Variants in TMEM135 observed in about 807,000 individuals in gnomAD.
The protein encoded by TMEM135 is transmembrane protein 135, also known as peroxisomal membrane protein 52.
A neutral mutation model predicts 60.3 loss-of-function variants in TMEM135; 30 were observed. The observed-to-expected ratio is 0.50, with a 90% CI of 0.37 to 0.68. The LOEUF is 0.68. TMEM135 is among the 30% of genes least tolerant of loss of function. The pLI is 0.00. For missense variants in TMEM135, 468 were observed against 548.8 expected (o/e 0.85, Z 1.47); for synonymous variants, 190 against 186.7 (o/e 1.02, Z -0.14).
intron 6 of TMEM135, among the ~76,000 whole-genome samples, chr11:87,252,828 G>GTGTGTGTGTGTGTGTGTGTA: frequency 6.6e-6 from 1 of 150,988 alleles, no homozygotes; most frequent in Non-Finnish European, 1.5e-5. Flanking sequence ...GTGTGTGTGT[G>GTGTGTGTGTGTGTGTGTGTA]TGTATTATAT....
At chr11:87,128,993 C>A in intron 4 of TMEM135, among the ~76,000 whole-genome samples, 1 of 144,010 alleles carries the variant, frequency 6.9e-6, no homozygotes. Flanking sequence ...GGAAATTAAG[C>A]AGGTTTAAGG....
chr11:87,280,447 TAC>T (rs1421376391), intron 6 of TMEM135, among the ~76,000 whole-genome samples: 1 of 152,198 alleles, frequency 6.6e-6, no homozygotes, highest in African/African-American at 2.4e-5. Flanking sequence ...GTCTCTGTGT[TAC>T]AGTCATATTA....
intron 1 of TMEM135, 97 bp from the exon 2 acceptor site, chr11:87,067,597 T>G (rs1366597365): frequency 1.3e-6 from 2 of 1,517,242 alleles, no homozygotes; most frequent in Non-Finnish European, 1.8e-6. Context: ...TTACTTTAAC[T>G]TATAAATATA....
At chr11:87,057,051 G>A (rs931055976) in intron 1 of TMEM135, among the ~76,000 whole-genome samples, 6 of 152,292 alleles carry the variant, frequency 3.9e-5, no homozygotes, top group South Asian at 2.1e-4. Context: ...TGACAGGTGT[G>A]TGTTTTCAAG....
chr11:87,227,068 CAAAA>C (rs982386558), intron 5 of TMEM135, among the ~76,000 whole-genome samples: 6 of 151,736 alleles, frequency 4.0e-5, no homozygotes, highest in Non-Finnish European at 7.4e-5. Flanking sequence ...AAAACAAAAA[CAAAA>C]AAACACAATG....
At chr11:87,217,061 T>C (rs1271605559) in intron 5 of TMEM135, among the ~76,000 whole-genome samples, 5 of 152,202 alleles carry the variant, frequency 3.3e-5, no homozygotes, top group African/African-American at 2.4e-5. Context: ...TATCAGAAAT[T>C]GCCTGTTTAA....
In TMEM135 at chr11:87,194,602, T is replaced by C. The variant is rs1939889893; in HGVS notation, c.462+37196T>C. 2.6e-5 allele frequency among the ~76,000 whole-genome samples: 4 copies of C among 152,294 alleles called. No homozygotes were observed. The South Asian group carries it at 8.3e-4, about 32-fold the overall frequency. ...TGGAAAACTTGGTTATCATAAAATA[T>C]ACAAATTAAAGCACCCATAAAAACT... is the stretch of plus-strand genomic sequence containing the variant. On this transcript the variant is annotated intron_variant, in intron 5 of 14. Coordinates refer to ENST00000305494, the MANE Select transcript of TMEM135 (RefSeq NM_022918.4).
intron 5 of TMEM135, among the ~76,000 whole-genome samples, chr11:87,168,123 G>A (rs1413610619): frequency 6.6e-6 from 1 of 152,056 alleles, no homozygotes; most frequent in African/African-American, 2.4e-5. Flanking sequence ...TTCTCTGATG[G>A]TAGTTTGTAT....
intron 5 of TMEM135, among the ~76,000 whole-genome samples, chr11:87,198,735 G>C (rs1278366474): frequency 6.6e-6 from 1 of 150,592 alleles, no homozygotes; most frequent in Non-Finnish European, 1.5e-5. Flanking sequence ...ATGAGCAAGT[G>C]ATGATTCAAC....
At chr11:87,153,115 G>A (rs1938600449) in intron 4 of TMEM135, among the ~76,000 whole-genome samples, 1 of 152,108 alleles carries the variant, frequency 6.6e-6, no homozygotes, top group Non-Finnish European at 1.5e-5. Flanking sequence ...ATATTTAGTA[G>A]AGCATCCTTC....
chr11:87,195,366 C>A (rs1164750365), intron 5 of TMEM135, among the ~76,000 whole-genome samples: 1 of 113,156 alleles, frequency 8.8e-6, no homozygotes, highest in South Asian at 3.0e-4. Flanking sequence ...TCCTTCCTTC[C>A]TTCCTTCCTT....
intron 5 of TMEM135, among the ~76,000 whole-genome samples, chr11:87,166,718 T>C (rs1220193761): frequency 6.6e-6 from 1 of 151,000 alleles, no homozygotes; most frequent in Non-Finnish European, 1.5e-5. Flanking sequence ...CCTTGTAGTA[T>C]AGTTTGAAGT....
intron 6 of TMEM135, among the ~76,000 whole-genome samples, chr11:87,253,547 A>T (rs958227845): frequency 1.1e-4 from 16 of 151,276 alleles, no homozygotes; most frequent in African/African-American, 3.4e-4. Flanking sequence ...GTCTTATTCT[A>T]GTTCTACAGT....
intron 5 of TMEM135, among the ~76,000 whole-genome samples, chr11:87,159,617 A>ACACACACACACCCCCCC (rs140303858): frequency 2.5e-4 from 38 of 149,456 alleles, no homozygotes; most frequent in African/African-American, 8.2e-4. Context: ...ACACACACAC[A>ACACACACACACCCCCCC]CCATAGATTT....
chr11:87,101,222 C>CTAG (rs1316086741), intron 4 of TMEM135, among the ~76,000 whole-genome samples: 2 of 152,188 alleles, frequency 1.3e-5, no homozygotes, highest in African/African-American at 4.8e-5. Flanking sequence ...TTTCCTGGGG[C>CTAG]TAGTATGCCA....
At chr11:87,057,877 G>T (rs1197303065) in intron 1 of TMEM135, among the ~76,000 whole-genome samples, 1 of 151,772 alleles carries the variant, frequency 6.6e-6, no homozygotes, top group Non-Finnish European at 1.5e-5. Context: ...TAAATGCCAA[G>T]ATCTGCAGTT....
rs1942934200 is a variant in TMEM135 at position 87,327,720 on chromosome 11, T to C, written c.*6387T>C. The C allele has an allele frequency of 2.2e-6, 1 of 453,890 alleles. No homozygotes were observed. Among genetic ancestry groups the C allele is most frequent in the African/African-American group, 2.0e-5 (1 of 49,974 alleles). 28.1% of individuals were successfully genotyped at this position (453,890 alleles called of 1,614,324 possible). Reference sequence around the variant, plus strand: ...CTTGGAACCAGGGAAACTGATGGTGTAATTCTCAGTCCAAGGCTGAATTTT... The same window carrying C: ...CTTGGAACCAGGGAAACTGATGGTGCAATTCTCAGTCCAAGGCTGAATTTT... On this transcript the variant is annotated 3_prime_UTR_variant, in exon 15 of 15. Transcript: ENST00000305494.
chr11:87,122,687 C>T (rs1459767686), intron 4 of TMEM135, among the ~76,000 whole-genome samples: 1 of 152,050 alleles, frequency 6.6e-6, no homozygotes, highest in African/African-American at 2.4e-5. Context: ...TCTCAAACTT[C>T]TGACCTCAGG....
chr11:87,213,588 G>A (rs1343077773), intron 5 of TMEM135, among the ~76,000 whole-genome samples: 1 of 152,082 alleles, frequency 6.6e-6, no homozygotes, highest in Non-Finnish European at 1.5e-5. Context: ...GTATTAGTAG[G>A]TGGTTTCTGT....
Sources: gnomAD v4.1 joint callset for allele counts (sites outside exome capture counted in the v4.1 genomes callset) on GRCh38, gnomAD v4.1.1 for gene constraint, MANE v1.5 for transcripts, NCBI Gene and HGNC (gene_info 2026-07-23, HGNC 2026-07-21) for gene names.